SOD2: variants seen among roughly 807,000 people sequenced by gnomAD.
SOD2 encodes superoxide dismutase 2.
Under a neutral mutation model 27.0 loss-of-function variants are expected in SOD2, and 11 were observed. The observed-to-expected ratio is 0.41, with a 90% CI of 0.26 to 0.67. The LOEUF (loss-of-function observed/expected upper bound fraction) is 0.67. SOD2 is among the 30% of genes least tolerant of loss of function. The pLI is 0.34. For synonymous variants in SOD2, 105 were observed against 103.0 expected (o/e 1.02, Z -0.12); for missense variants, 250 against 274.5 (o/e 0.91, Z 0.63).
chr6:159,727,505 C>T (rs988329870), upstream of SOD2: 47 of 992,866 alleles, frequency 4.7e-5, 1 homozygote, highest in South Asian at 9.7e-4. Flanking sequence ...GGCCTGGTTT[C>T]CTCCCTCAGC....
At chr6:159,693,028 G>T in intron 1 of SOD2, 117 bp downstream of exon 1, 1 of 1,437,414 alleles carries the variant, frequency 7.0e-7, no homozygotes, top group Non-Finnish European at 9.2e-7. Context: ...AGAACCGCCT[G>T]CAGGTGCCCC....
chr6:159,696,652 A>G (rs934493335), upstream of SOD2, among the ~76,000 whole-genome samples: 6 of 152,124 alleles, frequency 3.9e-5, no homozygotes, highest in Non-Finnish European at 1.5e-5. Flanking sequence ...CCTTTGTGGT[A>G]GATTCATCCA....
intron 4 of SOD2, among the ~76,000 whole-genome samples, chr6:159,684,358 C>G (rs890087266): frequency 2.4e-4 from 36 of 152,072 alleles, no homozygotes; most frequent in Non-Finnish European, 2.8e-4. Context: ...TGGCTCATGC[C>G]TGTAATCCCA....
chr6:159,716,575 G>C (rs1365931797), intron 1 of SOD2, among the ~76,000 whole-genome samples: 1 of 152,182 alleles, frequency 6.6e-6, no homozygotes, highest in Non-Finnish European at 1.5e-5. Flanking sequence ...CCTGCAAGAA[G>C]ACTGAGCACC....
At chr6:159,699,014 G>C (rs1362860355) in intron 1 of SOD2, among the ~76,000 whole-genome samples, 1 of 151,878 alleles carries the variant, frequency 6.6e-6, no homozygotes, top group East Asian at 1.9e-4. Flanking sequence ...TTGTTCAAGG[G>C]TCAAGTGTAT....
chr6:159,699,144 T>C (rs1004995107), intron 1 of SOD2, among the ~76,000 whole-genome samples: 3 of 152,068 alleles, frequency 2.0e-5, no homozygotes, highest in Non-Finnish European at 4.4e-5. Flanking sequence ...TTTGAAACTT[T>C]CTTCCTCCTT....
upstream of SOD2, chr6:159,727,363 A>G (rs1248993529): frequency 1.5e-5 from 12 of 785,198 alleles, no homozygotes; most frequent in Admixed American, 1.0e-4. Context: ...AACATGGCGG[A>G]GCGGGGAGGC....
chr6:159,727,561 G>C (rs940088923), upstream of SOD2: 1 of 988,742 alleles, frequency 1.0e-6, no homozygotes, highest in African/African-American at 1.7e-5. Context: ...GAGCGCAGGG[G>C]TTGCGGCGGG....
At chr6:159,739,719 G>A (rs1476208633) in intron 1 of SOD2, among the ~76,000 whole-genome samples, 1 of 151,244 alleles carries the variant, frequency 6.6e-6, no homozygotes, top group African/African-American at 2.4e-5. Flanking sequence ...GGAGAGAAAA[G>A]ATGTTTTGTG....
At chr6:159,715,118 G>T (rs1777901454) in intron 1 of SOD2, among the ~76,000 whole-genome samples, 1 of 151,892 alleles carries the variant, frequency 6.6e-6, no homozygotes, top group East Asian at 1.9e-4. Flanking sequence ...AAATTTCCCA[G>T]ACTTGTGTTT....
At chr6:159,757,266 A>G (rs976982507) in intron 1 of SOD2, among the ~76,000 whole-genome samples, 1 of 152,186 alleles carries the variant, frequency 6.6e-6, no homozygotes, top group Non-Finnish European at 1.5e-5. Context: ...GAACCTTGGG[A>G]GTGGAGTTAT....
At chr6:159,717,410 T>C (rs1016159937) in intron 1 of SOD2, among the ~76,000 whole-genome samples, 1 of 152,210 alleles carries the variant, frequency 6.6e-6, no homozygotes, top group African/African-American at 2.4e-5. Context: ...CCACTGTGCC[T>C]AACCATAAAA....
intron 1 of SOD2, among the ~76,000 whole-genome samples, chr6:159,741,072 T>G (rs116300575): frequency 0.015 from 2,298 of 152,310 alleles, 56 homozygotes; most frequent in African/African-American, 0.052. Flanking sequence ...AGCCAAATTT[T>G]AATTAATTGT....
Position 159,671,874 on chromosome 6 carries a change from A to C in SOD2, c.*10619T>G, listed in dbSNP as rs924823818. On this transcript the variant is annotated 3_prime_UTR_variant, in exon 5 of 5. Transcript: ENST00000538183. ...GATTAGACAAATGGCTAACTAGAAT[A>C]ACCAGCATAGAGAAGTCCTTAAATG... The C allele has an allele frequency of 6.6e-6, 1 of 152,228 alleles. No individual in the cohort carries two copies. The highest frequency in any genetic ancestry group is 1.5e-5 in the Non-Finnish European group (1 of 68,034). 9.4% of individuals were successfully genotyped at this position (152,228 alleles called of 1,614,324 possible).
At chr6:159,719,674 AAAG>A (rs367835705) in intron 1 of SOD2, among the ~76,000 whole-genome samples, 4 of 150,716 alleles carry the variant, frequency 2.7e-5, no homozygotes, top group South Asian at 2.1e-4. Context: ...GGCTGATGGC[AAAG>A]AAGTGGCCAA....
intron 1 of SOD2, chr6:159,713,083 T>A: frequency 1.4e-6 from 1 of 702,530 alleles, no homozygotes; most frequent in Non-Finnish European, 2.4e-6. Flanking sequence ...GAATAGAAAT[T>A]ATAACATTCT....
intron 1 of SOD2, among the ~76,000 whole-genome samples, chr6:159,706,350 AGTCT>A (rs1391349246): frequency 9.2e-5 from 14 of 152,232 alleles, no homozygotes; most frequent in Non-Finnish European, 2.1e-4. Context: ...AAGACCCATC[AGTCT>A]GCTGTATTCA....
At chr6:159,749,457 T>G, upstream of SOD2, 1 of 980,780 alleles carries the variant, frequency 1.0e-6, no homozygotes. Flanking sequence ...CAAAGAATAT[T>G]ATGATGATTT....
At chr6:159,727,374 T>TGGCAGGAGGCGGGGGGCGGGA, upstream of SOD2, 3 of 1,032,508 alleles carry the variant, frequency 2.9e-6, no homozygotes, top group South Asian at 1.6e-5. Context: ...GCGGGGAGGC[T>TGGCAGGAGGCGGGGGGCGGGA]GGCGGGAGGC....
Sources: gnomAD v4.1 joint callset for allele counts (sites outside exome capture counted in the v4.1 genomes callset) on GRCh38, gnomAD v4.1.1 for gene constraint, MANE v1.5 for transcripts, NCBI Gene and HGNC (gene_info 2026-07-23, HGNC 2026-07-21) for gene names.